TASP1: variants seen among roughly 807,000 people sequenced by gnomAD.
TASP1 encodes taspase 1, also known as threonine aspartase 1.
Under a neutral mutation model 56.6 loss-of-function variants are expected in TASP1, and 16 were observed. The ratio of observed to expected loss-of-function variants is 0.28; its 90% CI spans 0.19 to 0.43. TASP1 has a LOEUF of 0.43. Among genes scored for constraint, TASP1 ranks in the 20% least tolerant of loss-of-function variants. The pLI, the probability that TASP1 is intolerant of heterozygous loss-of-function variation, is 1.00. For synonymous variants in TASP1, 179 were observed against 184.2 expected (o/e 0.97, Z 0.23); for missense variants, 393 against 511.6 (o/e 0.77, Z 2.24).
intron 9 of TASP1, among the ~76,000 whole-genome samples, chr20:13,528,766 AT>A (rs542702138): frequency 5.9e-5 from 9 of 152,110 alleles, no homozygotes; most frequent in Non-Finnish European, 1.2e-4. Context: ...ATCAGCAGTA[AT>A]TTTTTCCTTC....
intron 11 of TASP1, among the ~76,000 whole-genome samples, chr20:13,454,084 C>T: frequency 6.6e-6 from 1 of 151,396 alleles, no homozygotes; most frequent in South Asian, 2.1e-4. Flanking sequence ...AACAAGGAGG[C>T]CAGTGTCCTG....
At chr20:13,396,793 G>A (rs1475219733) in intron 13 of TASP1, among the ~76,000 whole-genome samples, 1 of 152,158 alleles carries the variant, frequency 6.6e-6, no homozygotes, top group African/African-American at 2.4e-5. Flanking sequence ...TTGAAAACAA[G>A]GATGCCAGAT....
At chr20:13,472,650 C>T (rs2044554431) in intron 11 of TASP1, among the ~76,000 whole-genome samples, 1 of 150,988 alleles carries the variant, frequency 6.6e-6, no homozygotes, top group Admixed American at 6.6e-5. Context: ...AAAAATCAAA[C>T]AACCCCATCA....
chr20:13,551,607 C>A (rs751443510), intron 8 of TASP1, among the ~76,000 whole-genome samples: 2 of 152,122 alleles, frequency 1.3e-5, no homozygotes, highest in Non-Finnish European at 2.9e-5. Context: ...TAGATTATGC[C>A]ATGCATTCAA....
At chr20:13,369,479 G>A in the TASP1 span, among the ~76,000 whole-genome samples, 1 of 152,146 alleles carries the variant, frequency 6.6e-6, no homozygotes, top group East Asian at 1.9e-4. Flanking sequence ...TTAAATGTAT[G>A]TTGAACATTT....
At chr20:13,292,104 C>T in the TASP1 span, among the ~76,000 whole-genome samples, 3 of 152,200 alleles carry the variant, frequency 2.0e-5, no homozygotes, top group African/African-American at 4.8e-5. Context: ...CTGCCCAAAA[C>T]CCCATCCCTG....
Position 13,417,466 on chromosome 20 carries a change from G to C in TASP1, c.1152C>G (p.Ala384=), listed in dbSNP as rs1245644874. Reference sequence around the variant, plus strand: ...CACTTACCTTGGCTTTCCCATCCTGGGCTGACATATATCCGACACACATGC... The same window carrying C: ...CACTTACCTTGGCTTTCCCATCCTGCGCTGACATATATCCGACACACATGC... ...TESMCVGYMS[A]QDGKAKTHIS... is the part of the protein sequence containing the mutation. Residue 384 remains alanine, a synonymous_variant, in exon 13 of 14, where the codon GCC becomes GCG. Coordinates refer to ENST00000337743, the MANE Select transcript of TASP1 (RefSeq NM_017714.3). The C allele has an allele frequency of 6.2e-7, 1 of 1,614,096 alleles. No homozygotes were observed.
the TASP1 span, among the ~76,000 whole-genome samples, chr20:13,369,399 T>C: frequency 1.7e-4 from 26 of 152,188 alleles, no homozygotes; most frequent in Non-Finnish European, 3.4e-4. Context: ...TGAGCCAAGA[T>C]TGCATCATTG....
At chr20:13,135,667 A>G in the TASP1 span, among the ~76,000 whole-genome samples, 1 of 152,254 alleles carries the variant, frequency 6.6e-6, no homozygotes, top group Non-Finnish European at 1.5e-5. Flanking sequence ...ATTTTTGTGT[A>G]ACATTAAGTC....
chr20:13,315,835 A>G, the TASP1 span, among the ~76,000 whole-genome samples: 11 of 152,010 alleles, frequency 7.2e-5, no homozygotes, highest in Non-Finnish European at 1.6e-4. Context: ...CTAGAAAACA[A>G]TAACAGAAAG....
the TASP1 span, among the ~76,000 whole-genome samples, chr20:13,294,307 A>C: frequency 6.6e-6 from 1 of 152,202 alleles, no homozygotes; most frequent in African/African-American, 2.4e-5. Context: ...TCATCCCTCC[A>C]ATCCCTTCAC....
intron 4 of TASP1, chr20:13,614,679 A>G: frequency 2.8e-6 from 1 of 357,878 alleles, no homozygotes; most frequent in South Asian, 2.4e-5. Context: ...CAGTTTTCAC[A>G]TTTTTTAATT....
intron 8 of TASP1, among the ~76,000 whole-genome samples, chr20:13,545,778 T>G (rs2045786615): frequency 6.6e-6 from 1 of 152,198 alleles, no homozygotes; most frequent in Non-Finnish European, 1.5e-5. Context: ...CTTCTGAGTT[T>G]GAAACCACTG....
the TASP1 span, among the ~76,000 whole-genome samples, chr20:13,204,268 C>T: frequency 1.3e-5 from 2 of 152,114 alleles, no homozygotes; most frequent in Admixed American, 1.3e-4. Flanking sequence ...ACAGAGACTC[C>T]TCAGAGGGCT....
the TASP1 span, among the ~76,000 whole-genome samples, chr20:13,231,051 A>G: frequency 2.6e-5 from 4 of 151,928 alleles, no homozygotes; most frequent in African/African-American, 2.4e-5. Flanking sequence ...CCTACCAGAG[A>G]TTTCTGGGGT....
At chr20:13,432,604 A>G (rs1038275500) in intron 12 of TASP1, among the ~76,000 whole-genome samples, 5 of 152,218 alleles carry the variant, frequency 3.3e-5, no homozygotes, top group African/African-American at 1.2e-4. Flanking sequence ...GATAAGCTTC[A>G]TAAGCATCAA....
the TASP1 span, among the ~76,000 whole-genome samples, chr20:13,285,314 G>GAA: frequency 9.7e-3 from 1,455 of 150,522 alleles, 25 homozygotes; most frequent in African/African-American, 0.034. Context: ...AAAAAGAAAG[G>GAA]AAAAAAAAAG....
At chr20:13,560,948 A>G (rs536295559) in intron 7 of TASP1, among the ~76,000 whole-genome samples, 11 of 152,202 alleles carry the variant, frequency 7.2e-5, no homozygotes, top group Non-Finnish European at 1.6e-4. Context: ...GCCAAAGACA[A>G]AGAGAGAATC....
the TASP1 span, among the ~76,000 whole-genome samples, chr20:13,223,345 G>T: frequency 6.6e-6 from 1 of 152,002 alleles, no homozygotes; most frequent in Non-Finnish European, 1.5e-5. Flanking sequence ...CACTTCCATT[G>T]TGTTTACTAC....
Sources: allele counts gnomAD v4.1 joint callset (sites outside exome capture counted in the v4.1 genomes callset), GRCh38; gene constraint gnomAD v4.1.1; transcripts MANE v1.5; gene names NCBI Gene and HGNC (gene_info 2026-07-23, HGNC 2026-07-21).